Variants in BAZ2B observed in about 807,000 individuals in gnomAD.
The protein encoded by BAZ2B is bromodomain adjacent to zinc finger domain 2B, also known as bromodomain adjacent to zinc finger domain protein 2B.
BAZ2B carries 91 observed loss-of-function variants against 246.0 expected under a neutral mutation model. That is an observed-to-expected ratio of 0.37 (90% CI 0.31 to 0.44). BAZ2B has a LOEUF of 0.44. BAZ2B is among the 20% of genes least tolerant of loss of function. BAZ2B has a pLI of 1.00. For missense variants in BAZ2B, 2,332 were observed against 2,533.7 expected, an observed-to-expected ratio of 0.92 and a Z score of 1.71; for synonymous variants, 855 against 860.0, an observed-to-expected ratio of 0.99 and a Z score of 0.10.
chr2:159,485,274 T>C (rs372834673), intron 2 of BAZ2B, among the ~76,000 whole-genome samples: 1 of 152,258 alleles, frequency 6.6e-6, no homozygotes, highest in Admixed American at 6.5e-5. Context: ...AAAAATCTTC[T>C]GTTAAAGGAC....
the BAZ2B span, among the ~76,000 whole-genome samples, chr2:159,702,069 G>A: frequency 6.6e-6 from 1 of 152,030 alleles, no homozygotes; most frequent in Non-Finnish European, 1.5e-5. Context: ...CTTAATTTGT[G>A]TAGATTTTTT....
chr2:159,651,442 A>T, the BAZ2B span, among the ~76,000 whole-genome samples: 1 of 152,168 alleles, frequency 6.6e-6, no homozygotes, highest in Non-Finnish European at 1.5e-5. Flanking sequence ...ATATTCTCAT[A>T]ATCACTTTTC....
the BAZ2B span, among the ~76,000 whole-genome samples, chr2:159,624,833 T>G: frequency 6.6e-6 from 1 of 152,066 alleles, no homozygotes; most frequent in Non-Finnish European, 1.5e-5. Flanking sequence ...AGAATGAGTT[T>G]GACAAATTGA....
intron 2 of BAZ2B, among the ~76,000 whole-genome samples, chr2:159,501,457 A>G (rs1187207308): frequency 2.0e-5 from 3 of 150,366 alleles, no homozygotes; most frequent in East Asian, 3.9e-4. Flanking sequence ...AAAACATTCA[A>G]TGGTTAAACA....
chr2:159,648,876 T>G, the BAZ2B span, among the ~76,000 whole-genome samples: 8 of 152,186 alleles, frequency 5.3e-5, no homozygotes, highest in Non-Finnish European at 1.0e-4. Context: ...TGTATTCAAT[T>G]TTTTTAAAAA....
At chr2:159,646,853 C>G in the BAZ2B span, among the ~76,000 whole-genome samples, 2 of 152,118 alleles carry the variant, frequency 1.3e-5, no homozygotes, top group Non-Finnish European at 2.9e-5. Context: ...GCCACCTGTT[C>G]CTCTTTTACA....
intron 1 of BAZ2B, among the ~76,000 whole-genome samples, chr2:159,564,280 G>A (rs2090152893): frequency 6.6e-6 from 1 of 152,140 alleles, no homozygotes; most frequent in Non-Finnish European, 1.5e-5. Context: ...GTAAGATAGG[G>A]GGTAGGAGAG....
chr2:159,595,717 T>C (rs531430491), intron 1 of BAZ2B, among the ~76,000 whole-genome samples: 4 of 152,374 alleles, frequency 2.6e-5, no homozygotes, highest in East Asian at 1.9e-4. Context: ...GAGGCTTCTC[T>C]GTACATTCTG....
chr2:159,399,229 T>G (rs944821026), intron 17 of BAZ2B, among the ~76,000 whole-genome samples: 1 of 151,858 alleles, frequency 6.6e-6, no homozygotes, highest in Non-Finnish European at 1.5e-5. Context: ...TATGTCACAT[T>G]GTTTTTCTGA....
intron 1 of BAZ2B, among the ~76,000 whole-genome samples, chr2:159,595,820 C>T (rs1408336677): frequency 6.6e-6 from 1 of 152,236 alleles, no homozygotes; most frequent in Non-Finnish European, 1.5e-5. Flanking sequence ...CCAACTGTTC[C>T]AACTGTGTTT....
intron 3 of BAZ2B, among the ~76,000 whole-genome samples, chr2:159,466,176 C>T (rs951716173): frequency 6.6e-6 from 1 of 152,180 alleles, no homozygotes; most frequent in Non-Finnish European, 1.5e-5. Context: ...GTTTTTCATA[C>T]ATTGCCTCTT....
intron 3 of BAZ2B, chr2:159,464,470 C>G (rs2076796179): frequency 6.6e-6 from 1 of 152,154 alleles, no homozygotes; most frequent in Non-Finnish European, 1.5e-5. Context: ...AGCAATTTAT[C>G]TAGGGCCCAT....
intron 2 of BAZ2B, among the ~76,000 whole-genome samples, chr2:159,482,457 T>C (rs2079347964): frequency 6.6e-6 from 1 of 152,200 alleles, no homozygotes; most frequent in Admixed American, 6.5e-5. Context: ...TTGTTAGCTA[T>C]TGTTTTTAAT....
At chr2:159,588,788 T>C (rs1688642739) in intron 1 of BAZ2B, among the ~76,000 whole-genome samples, 1 of 152,178 alleles carries the variant, frequency 6.6e-6, no homozygotes, top group African/African-American at 2.4e-5. Context: ...ATAAATCATA[T>C]ATTCCATAGA....
the BAZ2B span, among the ~76,000 whole-genome samples, chr2:159,642,528 C>T: frequency 4.6e-5 from 7 of 151,986 alleles, no homozygotes; most frequent in African/African-American, 7.2e-5. Context: ...TGTAAGCCAG[C>T]GTGCCCAGCC....
chr2:159,347,405 A>G (rs995309619), intron 31 of BAZ2B, 81 bp downstream of exon 31: 34 of 1,401,388 alleles, frequency 2.4e-5, no homozygotes, highest in Non-Finnish European at 3.4e-5. Flanking sequence ...TAGCACATTA[A>G]CTAGCATATA....
At chr2:159,569,520 T>C (rs1162084671) in intron 1 of BAZ2B, among the ~76,000 whole-genome samples, 1 of 152,136 alleles carries the variant, frequency 6.6e-6, no homozygotes, top group Non-Finnish European at 1.5e-5. Context: ...GATACAAATA[T>C]AATATTTGCA....
At chr2:159,567,904 G>A (rs1009067987) in intron 1 of BAZ2B, among the ~76,000 whole-genome samples, 3 of 152,106 alleles carry the variant, frequency 2.0e-5, no homozygotes, top group East Asian at 1.9e-4. Context: ...CCTGGGAGGC[G>A]GAGGTTGCCG....
intron 19 of BAZ2B, chr2:159,396,358 TAG>T (rs1380807375): frequency 6.6e-6 from 1 of 152,142 alleles, no homozygotes; most frequent in Non-Finnish European, 1.5e-5. Flanking sequence ...ACCAATAAAT[TAG>T]AGTTTTTTTA....
Sources: gnomAD v4.1 joint callset for allele counts (sites outside exome capture counted in the v4.1 genomes callset) on GRCh38, gnomAD v4.1.1 for gene constraint, MANE v1.5 for transcripts, NCBI Gene and HGNC (gene_info 2026-07-23, HGNC 2026-07-21) for gene names.